Variants in SEMA5A observed in about 807,000 individuals in gnomAD.
SEMA5A encodes semaphorin 5A, also known as semaphorin-5A.
A neutral mutation model predicts 135.5 loss-of-function variants in SEMA5A; 55 were observed. The ratio of observed to expected loss-of-function variants is 0.41; its 90% CI spans 0.33 to 0.51. The LOEUF (loss-of-function observed/expected upper bound fraction) is 0.51. SEMA5A is among the 20% of genes least tolerant of loss of function. The pLI is 0.37. For missense variants in SEMA5A, 1,290 were observed against 1,419.9 expected, an observed-to-expected ratio of 0.91 and a Z score of 1.47; for synonymous variants, 580 against 546.5, an observed-to-expected ratio of 1.06 and a Z score of -0.85.
intron 18 of SEMA5A, among the ~76,000 whole-genome samples, chr5:9,058,003 T>C (rs1387965309): frequency 6.6e-6 from 1 of 152,130 alleles, no homozygotes; most frequent in African/African-American, 2.4e-5. Flanking sequence ...CAAGGGAGCC[T>C]GTACAACCTG....
chr5:9,234,652 C>T (rs950697334), intron 6 of SEMA5A, among the ~76,000 whole-genome samples: 1 of 152,188 alleles, frequency 6.6e-6, no homozygotes, highest in Non-Finnish European at 1.5e-5. Flanking sequence ...TCTCAGAGTA[C>T]GTGGTGCTTG....
chr5:9,059,633 T>C (rs942947998), intron 18 of SEMA5A, among the ~76,000 whole-genome samples: 4 of 152,186 alleles, frequency 2.6e-5, no homozygotes, highest in Admixed American at 2.0e-4. Flanking sequence ...CACTGCAAAC[T>C]CCACCTCCTG....
chr5:9,100,696 T>A (rs1739579505), intron 16 of SEMA5A, among the ~76,000 whole-genome samples: 1 of 152,096 alleles, frequency 6.6e-6, no homozygotes, highest in Non-Finnish European at 1.5e-5. Context: ...GGGGCCAAGC[T>A]ATGATGCCAG....
chr5:9,286,223 G>A (rs768200777), intron 5 of SEMA5A, among the ~76,000 whole-genome samples: 5 of 151,894 alleles, frequency 3.3e-5, no homozygotes, highest in Non-Finnish European at 5.9e-5. Context: ...AGAAACACCC[G>A]GGAGACTTCT....
At chr5:9,264,560 GA>G (rs1346144865) in intron 5 of SEMA5A, among the ~76,000 whole-genome samples, 2 of 152,168 alleles carry the variant, frequency 1.3e-5, no homozygotes, top group African/African-American at 4.8e-5. Context: ...AACCACTTGA[GA>G]AGAAAATGCC....
chr5:9,412,170 G>C (rs1470615567), intron 2 of SEMA5A, among the ~76,000 whole-genome samples: 1 of 151,978 alleles, frequency 6.6e-6, no homozygotes, highest in Admixed American at 6.6e-5. Flanking sequence ...CGAAATGAAC[G>C]TTCAGTCTCC....
chr5:9,097,724 A>C (rs1739399157), intron 16 of SEMA5A, among the ~76,000 whole-genome samples: 1 of 152,214 alleles, frequency 6.6e-6, no homozygotes, highest in Non-Finnish European at 1.5e-5. Context: ...CCCAAGTGCC[A>C]TATGGCATGG....
chr5:9,200,218 T>C (rs895316276), intron 9 of SEMA5A, among the ~76,000 whole-genome samples: 4 of 152,196 alleles, frequency 2.6e-5, no homozygotes, highest in African/African-American at 9.7e-5. Context: ...ATTCCGTACA[T>C]TGGGTGACTT....
chr5:9,519,318 G>T (rs1456179552), intron 1 of SEMA5A, among the ~76,000 whole-genome samples: 2 of 152,084 alleles, frequency 1.3e-5, no homozygotes, highest in African/African-American at 4.8e-5. Flanking sequence ...CATTGTTGAT[G>T]GATTGACCAA....
At chr5:9,381,205 G>C (rs1755592727) in intron 2 of SEMA5A, among the ~76,000 whole-genome samples, 1 of 152,172 alleles carries the variant, frequency 6.6e-6, no homozygotes, top group Non-Finnish European at 1.5e-5. Context: ...TAGGAAACTA[G>C]GCAGATGAGA....
intron 5 of SEMA5A, among the ~76,000 whole-genome samples, chr5:9,314,426 C>A (rs1752303009): frequency 6.6e-6 from 1 of 150,560 alleles, no homozygotes; most frequent in African/African-American, 2.4e-5. Context: ...TGATTCTATG[C>A]TGAAATTAAA....
rs975589422 is a variant in SEMA5A, at chr5:9,127,022, C to G, written c.1600-4185G>C. ...ACCATTGTGAATACAGTTTCAATCT[C>G]TGAATACGAGGACAGGGAGGTAAGT... On this transcript the variant is annotated intron_variant, in intron 13 of 22. Coordinates refer to ENST00000382496, the MANE Select transcript of SEMA5A (RefSeq NM_003966.3). Among the ~76,000 whole-genome samples the G allele has an allele frequency of 6.6e-5, 10 of 152,322 alleles. No individual in the cohort carries two copies. In the South Asian group the frequency reaches 1.7e-3, roughly 25 times the overall value.
chr5:9,269,093 G>A (rs1395705261), intron 5 of SEMA5A, among the ~76,000 whole-genome samples: 1 of 152,056 alleles, frequency 6.6e-6, no homozygotes, highest in Non-Finnish European at 1.5e-5. Context: ...CACATGTGGT[G>A]GGGGAATGAA....
intron 11 of SEMA5A, among the ~76,000 whole-genome samples, chr5:9,155,485 C>G (rs377559017): frequency 6.6e-6 from 1 of 151,030 alleles, no homozygotes; most frequent in African/African-American, 2.5e-5. Flanking sequence ...CTCCCAGGTA[C>G]CCTGTGCTGC....
chr5:9,311,947 G>A (rs1238206399), intron 5 of SEMA5A, among the ~76,000 whole-genome samples: 1 of 152,050 alleles, frequency 6.6e-6, no homozygotes, highest in Non-Finnish European at 1.5e-5. Flanking sequence ...AACAAGCAGT[G>A]AATTTATTTC....
chr5:9,162,788 A>G (rs1743366731), intron 11 of SEMA5A, among the ~76,000 whole-genome samples: 1 of 151,868 alleles, frequency 6.6e-6, no homozygotes, highest in African/African-American at 2.4e-5. Context: ...TAAGGTTGGA[A>G]GGGACGTAAA....
chr5:9,434,599 G>A (rs1462658305), intron 2 of SEMA5A, among the ~76,000 whole-genome samples: 1 of 152,040 alleles, frequency 6.6e-6, no homozygotes, highest in African/African-American at 2.4e-5. Context: ...CATAGAGATT[G>A]TGTGTGTGAG....
At chr5:9,486,037 C>A (rs1256620330) in intron 1 of SEMA5A, among the ~76,000 whole-genome samples, 1 of 151,740 alleles carries the variant, frequency 6.6e-6, no homozygotes, top group South Asian at 2.1e-4. Context: ...TCCATCAATG[C>A]AGACTAGATA....
chr5:9,413,654 T>C (rs1298810702), intron 2 of SEMA5A, among the ~76,000 whole-genome samples: 3 of 152,214 alleles, frequency 2.0e-5, no homozygotes, highest in Non-Finnish European at 2.9e-5. Context: ...CTTGAAATCA[T>C]TGCATAAATT....
Sources: gnomAD v4.1 joint callset for allele counts (sites outside exome capture counted in the v4.1 genomes callset) on GRCh38, gnomAD v4.1.1 for gene constraint, MANE v1.5 for transcripts, NCBI Gene and HGNC (gene_info 2026-07-23, HGNC 2026-07-21) for gene names.